DLGAP3: variants seen among roughly 807,000 people sequenced by gnomAD.
The protein encoded by DLGAP3 is DLG associated protein 3.
Under a neutral mutation model 81.2 loss-of-function variants are expected in DLGAP3, and 17 were observed. That is an observed-to-expected ratio of 0.21 (90% confidence interval 0.14 to 0.31). The LOEUF is 0.31. DLGAP3 is among the 10% of genes least tolerant of loss of function. The pLI is 1.00. For synonymous variants in DLGAP3, 577 were observed against 587.4 expected, an observed-to-expected ratio of 0.98 and a Z score of 0.26; for missense variants, 1,124 against 1,388.0, an observed-to-expected ratio of 0.81 and a Z score of 3.02.
rs146010934 is a variant in DLGAP3 at position 34,922,524 on chromosome 1, C to CCA, written c.-135+6925_-135+6926dup. On this transcript the variant is annotated intron_variant, in intron 1 of 11. Transcript: ENST00000373347. ...ACAAAGGCATTACTGGATAAGCACA[C>CCA]CACACACACACACACAGACATGCAC... is the stretch of plus-strand genomic sequence containing the variant. Among the ~76,000 whole-genome samples, 46 of 151,202 alleles carry CCA rather than the reference C, an allele frequency of 3.0e-4. No individual in the cohort carries two copies. The East Asian group carries it at 5.2e-3, about 17-fold the overall frequency.
At position 34,904,579 on chromosome 1, in the gene DLGAP3, T is replaced by G. The variant is rs1639513032; in HGVS notation, c.805A>C (p.Ser269Arg). Reference protein sequence around the residue: ...GWWSSDDNLDSDSGFLAGGRP... With the variant: ...GWWSSDDNLDRDSGFLAGGRP... The stretch of plus-strand genomic sequence containing the variant: ...CCACCCGCCAGGAAGCCGCTATCAC[T>G]GTCCAAGTTGTCATCGGAACTCCAC... The change falls in exon 3 of 12, where the codon AGT (serine) becomes CGT (arginine). Residue 269 changes from serine (S) to arginine (R), a missense_variant. Physicochemically the swap from Ser to Arg is moderately radical, Grantham distance 110. Coordinates refer to ENST00000373347, the MANE Select transcript of DLGAP3 (RefSeq NM_001080418.3). This position sits in a 1 kb window ranked among gnomAD's most constrained non-coding sequence, Gnocchi z 8.1. 1 of 1,614,222 alleles carries G rather than the reference T, an allele frequency of 6.2e-7. No individual in the cohort carries two copies. The highest frequency in any genetic ancestry group is 2.2e-5 in the East Asian group (1 of 44,882).
At chr1:34,866,703 C>T (rs905102478) in intron 11 of DLGAP3, among the ~76,000 whole-genome samples, 1 of 152,070 alleles carries the variant, frequency 6.6e-6, no homozygotes, top group Non-Finnish European at 1.5e-5. Context: ...AAGGCTCTGC[C>T]GTCGATGCCT....
At chr1:34,927,176 T>A (rs1462593198) in intron 1 of DLGAP3, among the ~76,000 whole-genome samples, 1 of 152,040 alleles carries the variant, frequency 6.6e-6, no homozygotes, top group East Asian at 1.9e-4. Flanking sequence ...TGGCAAGGAG[T>A]CCCAAGCTGA....
intron 1 of DLGAP3, among the ~76,000 whole-genome samples, chr1:34,923,664 C>T (rs1639828908): frequency 6.6e-6 from 1 of 151,958 alleles, no homozygotes; most frequent in Non-Finnish European, 1.5e-5. Context: ...GGAGCACAAA[C>T]ACCTCCCCTC....
intron 8 of DLGAP3, among the ~76,000 whole-genome samples, chr1:34,882,333 C>A (rs561820115): frequency 4.3e-4 from 66 of 152,182 alleles, no homozygotes; most frequent in African/African-American, 1.6e-3. Flanking sequence ...AAAAAACTAG[C>A]CAGGCGTGGT....
At chr1:34,879,282 T>C (rs1224127401) in intron 8 of DLGAP3, among the ~76,000 whole-genome samples, 1 of 152,114 alleles carries the variant, frequency 6.6e-6, no homozygotes, top group African/African-American at 2.4e-5. Context: ...GACGGTCCCA[T>C]CTGAGGGTAA....
chr1:34,900,242 G>C lies in DLGAP3; in HGVS notation c.1139C>G (p.Thr380Ser). 6.2e-7 allele frequency: 1 copy of C among 1,614,058 alleles called. No homozygotes were observed. The stretch of plus-strand genomic sequence containing the variant: ...GGGGATCTCCCCATCCTTGCCACCG[G>C]TGGGGTAACCCCCCCAGTCATCTTG... ...VPQDDWGGYP[T>S]GGKDGEIPCR... Residue 380 changes from threonine to serine, a missense_variant, in exon 4 of 12, where the codon ACC (threonine) becomes AGC (serine). Around this residue, in one of 9 missense-constraint regions of DLGAP3, gnomAD observed 357 missense variants for 408.8 expected, o/e 0.87. Coordinates refer to ENST00000373347, the MANE Select transcript of DLGAP3 (RefSeq NM_001080418.3). This position sits in a 1 kb window ranked among gnomAD's most constrained non-coding sequence, Gnocchi z 5.6.
chr1:34,881,086 T>C (rs562271055), intron 8 of DLGAP3, among the ~76,000 whole-genome samples: 3 of 152,302 alleles, frequency 2.0e-5, no homozygotes, highest in South Asian at 4.1e-4. Flanking sequence ...AATACCTGAA[T>C]TGAAAAGCAG....
Position 34,928,286 on chromosome 1 carries a change from G to A in DLGAP3, c.-135+1165C>T, listed in dbSNP as rs1426151453. On this transcript the variant is annotated intron_variant, in intron 1 of 11. Transcript: ENST00000373347. ...TGCTCTGATGACTAACAGGGCAGAC[G>A]CTTCCACCTGGCCTCCTCATCTCCT... 2.0e-5 allele frequency among the ~76,000 whole-genome samples: 3 copies of A among 152,194 alleles called. No individual in the cohort carries two copies. The East Asian group carries it at 5.8e-4, about 29-fold the overall frequency.
rs1415973124 is a variant in DLGAP3, at chr1:34,899,709, C to T, written c.1346G>A (p.Ser449Asn). The change falls in exon 5 of 12, where the codon AGC (serine) becomes AAC (asparagine). Residue 449 changes from serine (S) to asparagine (N), a missense_variant. By Grantham distance (46) the Ser-to-Asn change is conservative. This residue lies in a region of DLGAP3 where 357 missense variants were observed against 408.8 expected (regional missense o/e 0.87). Coordinates refer to ENST00000373347, the MANE Select transcript of DLGAP3 (RefSeq NM_001080418.3). ...GGAACGGCTGTAGCCAGGGATGGAG[C>T]TCCGGGGGTGGATCCGGGGTGGGAC... is the stretch of plus-strand genomic sequence containing the variant. ...CCVPPRIHPR[S>N]SIPGYSRSLT... 1 of 1,613,908 alleles carries T rather than the reference C, an allele frequency of 6.2e-7. No homozygotes were observed. Among genetic ancestry groups the T allele is most frequent in the Non-Finnish European group, 8.5e-7 (1 of 1,180,002 alleles).
At chr1:34,872,867 A>G (rs1050288361) in intron 8 of DLGAP3, among the ~76,000 whole-genome samples, 3 of 152,186 alleles carry the variant, frequency 2.0e-5, no homozygotes, top group African/African-American at 7.2e-5. Flanking sequence ...CCCAGTTTGA[A>G]ACCCCATTGA....
chr1:34,903,826 A>C (rs563813332), intron 3 of DLGAP3, among the ~76,000 whole-genome samples: 1 of 152,370 alleles, frequency 6.6e-6, no homozygotes, highest in African/African-American at 2.4e-5. Flanking sequence ...TTCATATTCA[A>C]ACATGTGGGC....
At chr1:34,908,828 G>C (rs1177620570) in intron 1 of DLGAP3, among the ~76,000 whole-genome samples, 2 of 152,172 alleles carry the variant, frequency 1.3e-5, no homozygotes, top group Non-Finnish European at 2.9e-5. Flanking sequence ...AGAGAGACTA[G>C]GGTGACCTCA....
intron 8 of DLGAP3, among the ~76,000 whole-genome samples, chr1:34,869,365 A>G (rs1164593966): frequency 1.3e-5 from 2 of 152,144 alleles, no homozygotes; most frequent in African/African-American, 4.8e-5. Context: ...CAGAGCAGGC[A>G]CAGACCAAAA....
At chr1:34,869,703 C>T (rs1393716492) in intron 8 of DLGAP3, among the ~76,000 whole-genome samples, 3 of 151,928 alleles carry the variant, frequency 2.0e-5, no homozygotes, top group Non-Finnish European at 4.4e-5. Flanking sequence ...CTCGAACTCC[C>T]GACCTCAGGT....
intron 5 of DLGAP3, among the ~76,000 whole-genome samples, chr1:34,892,843 T>C (rs1452089218): frequency 2.0e-5 from 3 of 152,118 alleles, no homozygotes; most frequent in South Asian, 2.1e-4. Flanking sequence ...AAACAATTCA[T>C]CACATAGAGG....
chr1:34,895,895 G>T lies in DLGAP3; in HGVS notation c.1386+3774C>A, dbSNP rs1473444578. On this transcript the variant is annotated intron_variant, in intron 5 of 11. Coordinates refer to ENST00000373347, the MANE Select transcript of DLGAP3 (RefSeq NM_001080418.3). This position sits in a 1 kb window ranked among gnomAD's most constrained non-coding sequence, Gnocchi z 4.5. Reference sequence around the variant, plus strand: ...ATCCGCATTCAAAAACATAAAGCTGGACCCCTAACTTGAATCACACATACA... The same window carrying T: ...ATCCGCATTCAAAAACATAAAGCTGTACCCCTAACTTGAATCACACATACA... Among the ~76,000 whole-genome samples the T allele has an allele frequency of 2.0e-5, 3 of 149,402 alleles. No individual in the cohort carries two copies. Among genetic ancestry groups the T allele is most frequent in the Non-Finnish European group, 4.4e-5 (3 of 67,644 alleles).
chr1:34,927,668 C>G (rs1008381092), intron 1 of DLGAP3, among the ~76,000 whole-genome samples: 2 of 152,058 alleles, frequency 1.3e-5, no homozygotes, highest in Non-Finnish European at 2.9e-5. Flanking sequence ...ACTCACGAAG[C>G]CTCTCCCTCC....
intron 2 of DLGAP3, 73 bp downstream of exon 2, chr1:34,907,282 A>G (rs1639570171): frequency 6.5e-6 from 1 of 152,690 alleles, no homozygotes; most frequent in Middle Eastern, 3.4e-3. Flanking sequence ...ACTTTGAATC[A>G]AGATTCAAAC....
Sources: allele counts gnomAD v4.1 joint callset (sites outside exome capture counted in the v4.1 genomes callset), GRCh38; gene constraint gnomAD v4.1.1; regional missense constraint gnomAD v4.1.1; non-coding constraint Gnocchi (gnomAD v3.1); transcripts MANE v1.5; gene names NCBI Gene and HGNC (gene_info 2026-07-23, HGNC 2026-07-21).